HDAC4: variants seen among roughly 807,000 people sequenced by gnomAD.
HDAC4 encodes histone deacetylase 4.
Under a neutral mutation model 135.1 loss-of-function variants are expected in HDAC4, and 16 were observed. The ratio of observed to expected loss-of-function variants is 0.12; its 90% CI spans 0.08 to 0.18. The LOEUF is 0.18. Among genes scored for constraint, HDAC4 ranks in the 10% least tolerant of loss-of-function variants. HDAC4 has a pLI of 1.00. For missense variants in HDAC4, 1,143 were observed against 1,511.8 expected (o/e 0.76, Z 4.05); for synonymous variants, 685 against 653.4 (o/e 1.05, Z -0.74).
intron 2 of HDAC4, among the ~76,000 whole-genome samples, chr2:239,289,478 C>G (rs2051337577): frequency 6.6e-6 from 1 of 152,204 alleles, no homozygotes; most frequent in Non-Finnish European, 1.5e-5. Flanking sequence ...TAAAACACTT[C>G]TAAGTAACAT....
intron 2 of HDAC4, among the ~76,000 whole-genome samples, chr2:239,247,766 G>C (rs11886387): frequency 1.2e-3 from 190 of 152,274 alleles, no homozygotes; most frequent in African/African-American, 4.3e-3. Flanking sequence ...GGCCATTTGC[G>C]GAAAGTCTAG....
chr2:239,096,934 A>T (rs985371735), intron 16 of HDAC4, among the ~76,000 whole-genome samples: 1 of 152,150 alleles, frequency 6.6e-6, no homozygotes, highest in South Asian at 2.1e-4. Flanking sequence ...CCATGCCAAC[A>T]GGGAGCAGGG....
In HDAC4 at chr2:239,066,832, G is replaced by A. The variant is rs1470935359; in HGVS notation, c.2893C>T (p.Leu965=). 1 of 1,613,574 alleles carries A rather than the reference G, an allele frequency of 6.2e-7. No homozygotes were observed. Among genetic ancestry groups the A allele is most frequent in the African/African-American group, 1.3e-5 (1 of 75,056 alleles). ...ATCCGGCCGCCAGCCAGGCCCATCAGCTGCTTCGTCAGGTACCCGAAGCCT... is the reference window on the plus strand; with the variant it reads ...ATCCGGCCGCCAGCCAGGCCCATCAACTGCTTCGTCAGGTACCCGAAGCCT... The part of the protein sequence containing the change: ...ARCFGYLTKQ[L]MGLAGGRIVL... Residue 965 remains leucine (L), a synonymous_variant, in exon 24 of 27, where the codon CTG becomes TTG. Transcript: ENST00000543185.
intron 17 of HDAC4, among the ~76,000 whole-genome samples, chr2:239,092,169 G>A (rs2036578297): frequency 6.6e-6 from 1 of 152,014 alleles, no homozygotes; most frequent in African/African-American, 2.4e-5. Flanking sequence ...AGCCCAGGAG[G>A]TCGAGGCTGC....
intron 16 of HDAC4, among the ~76,000 whole-genome samples, chr2:239,096,937 G>A (rs576851783): frequency 2.0e-5 from 3 of 152,290 alleles, no homozygotes; most frequent in Non-Finnish European, 4.4e-5. Flanking sequence ...TGCCAACAGG[G>A]AGCAGGGCAG....
chr2:239,295,416 G>A (rs1269446509), intron 2 of HDAC4, among the ~76,000 whole-genome samples: 4 of 150,396 alleles, frequency 2.7e-5, no homozygotes, highest in African/African-American at 4.9e-5. Flanking sequence ...AAAAACCAAC[G>A]AGAATGAGAC....
At chr2:239,091,747 T>C (rs192582334) in intron 17 of HDAC4, 5 of 152,258 alleles carry the variant, frequency 3.3e-5, no homozygotes, top group Admixed American at 2.6e-4. Context: ...TATTCGGTGA[T>C]GGTTTTCTTT....
chr2:239,071,145 C>T (rs371674139), intron 22 of HDAC4, among the ~76,000 whole-genome samples: 10 of 151,932 alleles, frequency 6.6e-5, no homozygotes, highest in East Asian at 1.9e-4. Flanking sequence ...GTGCTGGGCA[C>T]GGTGGCTCAC....
chr2:239,161,694 C>T, intron 6 of HDAC4: 4 of 328,636 alleles, frequency 1.2e-5, no homozygotes, highest in South Asian at 9.8e-5. Flanking sequence ...GTACCTCCGG[C>T]CCCTGCCATT....
In HDAC4 at chr2:239,144,728, AG is replaced by A. The variant is rs1406585310; in HGVS notation, c.734-15del. Reference sequence around the variant, plus strand: ...TCGGTTCAGAAGCTGCACAAAAAGGAGATGTCATTACAGCCAGGCAGACACC... The same window carrying A: ...TCGGTTCAGAAGCTGCACAAAAAGGAATGTCATTACAGCCAGGCAGACACC... On this transcript the variant is annotated splice_polypyrimidine_tract_variant and intron_variant, in intron 7 of 26. Transcript: ENST00000543185. 1 of 1,614,024 alleles carries A rather than the reference AG, an allele frequency of 6.2e-7. No individual in the cohort carries two copies. Among genetic ancestry groups the A allele is most frequent in the Non-Finnish European group, 8.5e-7 (1 of 1,179,906 alleles).
chr2:239,335,348 A>T (rs1405726839), intron 2 of HDAC4, among the ~76,000 whole-genome samples: 1 of 151,526 alleles, frequency 6.6e-6, no homozygotes, highest in East Asian at 1.9e-4. Flanking sequence ...GTAACTCTCA[A>T]TCCCTACCTC....
At chr2:239,063,903 C>A (rs567950053) in intron 24 of HDAC4, among the ~76,000 whole-genome samples, 14 of 152,364 alleles carry the variant, frequency 9.2e-5, no homozygotes, top group African/African-American at 3.4e-4. Flanking sequence ...GGCCCCATGG[C>A]AGCCTTTGGG....
chr2:239,387,828 C>T (rs745910841), intron 1 of HDAC4, among the ~76,000 whole-genome samples: 1 of 152,102 alleles, frequency 6.6e-6, no homozygotes, highest in African/African-American at 2.4e-5. Flanking sequence ...GGAGGAGCCG[C>T]GCCTCCTGCC....
Position 239,176,489 on chromosome 2 carries a change from G to A in HDAC4, c.414C>T (p.Arg138=), listed in dbSNP as rs887245105. Residue 138 remains arginine (R), a synonymous_variant, in exon 5 of 27, where the codon CGC becomes CGT. Coordinates refer to ENST00000543185, the MANE Select transcript of HDAC4 (RefSeq NM_001378414.1). The stretch of plus-strand genomic sequence containing the variant: ...GCTGCTTCTCCAGCTCCTGCTCCTG[G>A]CGGTGCCTCTCCAGCTTCCGCTGGT... ...LEHQRKLERH[R]QEQELEKQHR... is the part of the protein sequence containing the mutation. 6.2e-7 allele frequency: 1 copy of A among 1,613,356 alleles called. No individual in the cohort carries two copies. Among genetic ancestry groups the A allele is most frequent in the African/African-American group, 1.3e-5 (1 of 74,876 alleles).
At chr2:239,098,207 T>G (rs2037290902) in intron 16 of HDAC4, among the ~76,000 whole-genome samples, 4 of 152,232 alleles carry the variant, frequency 2.6e-5, no homozygotes, top group Non-Finnish European at 5.9e-5. Flanking sequence ...GTGACAGTTG[T>G]GAGGAGCCCA....
Position 239,111,597 on chromosome 2 carries a change from T to C in HDAC4, c.1907A>G (p.Gln636Arg). ...GAAGGTGGCAGACGCGGGTGAGGACTGCGCCCGGGACAGAGGCCTGTGGCC... is the reference window on the plus strand; with the variant it reads ...GAAGGTGGCAGACGCGGGTGAGGACCGCGCCCGGGACAGAGGCCTGTGGCC... ...FGGHRPLSRA[Q>R]SSPASATFPV... Residue 636 changes from glutamine to arginine, a missense_variant, in exon 14 of 27, where the codon CAG becomes CGG. Gln to Arg is a conservative substitution (Grantham distance 43). Transcript: ENST00000543185. 1 of 1,611,648 alleles carries C rather than the reference T, an allele frequency of 6.2e-7. No homozygotes were observed. Among genetic ancestry groups the C allele is most frequent in the Non-Finnish European group, 8.5e-7 (1 of 1,179,500 alleles).
intron 3 of HDAC4, among the ~76,000 whole-genome samples, chr2:239,215,493 C>T (rs752214009): frequency 1.3e-5 from 2 of 152,124 alleles, no homozygotes; most frequent in Non-Finnish European, 2.9e-5. Context: ...CAAAGACCGT[C>T]GCCAACCTCC....
chr2:239,160,517 GCTTT>G (rs1438839244), intron 6 of HDAC4, among the ~76,000 whole-genome samples: 1 of 150,808 alleles, frequency 6.6e-6, no homozygotes, highest in African/African-American at 2.4e-5. Flanking sequence ...GCCCTGGTCT[GCTTT>G]CTCTCACAGT....
chr2:239,123,285 G>A (rs746177976), intron 12 of HDAC4, among the ~76,000 whole-genome samples: 1 of 152,184 alleles, frequency 6.6e-6, no homozygotes, highest in African/African-American at 2.4e-5. Flanking sequence ...CGCCCGACAC[G>A]CCCACAGCCT....
Sources: allele counts gnomAD v4.1 joint callset (sites outside exome capture counted in the v4.1 genomes callset), GRCh38; gene constraint gnomAD v4.1.1; transcripts MANE v1.5; gene names NCBI Gene and HGNC (gene_info 2026-07-23, HGNC 2026-07-21).